Variants in WDR41 observed in about 807,000 individuals in gnomAD.
The protein encoded by WDR41 is WD repeat domain 41, also known as WD repeat-containing protein 41.
In WDR41, 63 loss-of-function variants were observed where a neutral mutation model predicts 69.3. That is an observed-to-expected ratio of 0.91 (90% CI 0.74 to 1.12). The LOEUF (loss-of-function observed/expected upper bound fraction) is 1.12. Among genes scored for constraint, WDR41 ranks in the 50% most tolerant of loss-of-function variants. The probability of loss-of-function intolerance (pLI) is 0.00; values close to 1 mark genes in which losing one functional copy is unlikely to be tolerated. For synonymous variants in WDR41, 185 were observed against 192.1 expected, an observed-to-expected ratio of 0.96 and a Z score of 0.31; for missense variants, 543 against 534.5, an observed-to-expected ratio of 1.02 and a Z score of -0.16.
chr5:77,450,513 A>C (rs1357434417), intron 7 of WDR41, among the ~76,000 whole-genome samples: 2 of 152,210 alleles, frequency 1.3e-5, no homozygotes, highest in East Asian at 1.9e-4. Context: ...AACTTTAATC[A>C]ATACAGAAAA....
intron 1 of WDR41, chr5:77,546,037 T>C (rs2112232718): frequency 1.8e-6 from 1 of 556,328 alleles, no homozygotes; most frequent in African/African-American, 2.0e-5. Context: ...TGATGATGGC[T>C]GGTATTGATG....
chr5:77,538,115 C>T (rs1743022825), intron 1 of WDR41, among the ~76,000 whole-genome samples: 1 of 152,120 alleles, frequency 6.6e-6, no homozygotes, highest in African/African-American at 2.4e-5. Context: ...CTGAATCTCT[C>T]CACTCTCTAT....
intron 1 of WDR41, among the ~76,000 whole-genome samples, chr5:77,590,567 T>C (rs1424781589): frequency 6.6e-6 from 1 of 152,122 alleles, no homozygotes; most frequent in Admixed American, 6.5e-5. Flanking sequence ...AGGTCAGAGC[T>C]GACAAAGAGG....
intron 1 of WDR41, among the ~76,000 whole-genome samples, chr5:77,573,969 C>T (rs909067842): frequency 1.3e-5 from 2 of 152,148 alleles, no homozygotes; most frequent in Non-Finnish European, 2.9e-5. Flanking sequence ...CCATCTGCCC[C>T]AGGTAAGAGA....
At chr5:77,478,577 CAT>C (rs913325630) in intron 2 of WDR41, among the ~76,000 whole-genome samples, 63 of 152,286 alleles carry the variant, frequency 4.1e-4, no homozygotes, top group Middle Eastern at 3.4e-3. Flanking sequence ...ACAAAAACCA[CAT>C]GATTATCTCA....
At chr5:77,506,331 C>T (rs1414734607) in intron 1 of WDR41, among the ~76,000 whole-genome samples, 2 of 152,166 alleles carry the variant, frequency 1.3e-5, no homozygotes, top group Non-Finnish European at 1.5e-5. Flanking sequence ...ATCAAAACCA[C>T]AATGAGATAC....
chr5:77,580,465 C>T (rs1021972845), intron 1 of WDR41, among the ~76,000 whole-genome samples: 1 of 152,040 alleles, frequency 6.6e-6, no homozygotes, highest in Non-Finnish European at 1.5e-5. Flanking sequence ...GACACGTAGG[C>T]ATTATTACAA....
chr5:77,605,196 T>C (rs759337382), intron 1 of WDR41, among the ~76,000 whole-genome samples: 2 of 152,204 alleles, frequency 1.3e-5, no homozygotes, highest in African/African-American at 2.4e-5. Context: ...GTCCTTGGGA[T>C]CCTCGTCTGA....
rs773872429 is a variant in WDR41, at chr5:77,492,245, G to A, written c.-25C>T. The A allele has an allele frequency of 1.9e-6, 3 of 1,611,460 alleles. No homozygotes were observed. The highest frequency in any genetic ancestry group is 1.1e-5 in the South Asian group (1 of 90,596). ...TCCGGGCAGCGGCGGCGTCTTGCCC[G>A]GTCCAGCCCCAGTCAGCCCAAACTC... On this transcript the variant is annotated 5_prime_UTR_variant, in exon 1 of 13. Coordinates refer to ENST00000296679, the MANE Select transcript of WDR41 (RefSeq NM_018268.4).
chr5:77,475,361 G>C lies in WDR41; in HGVS notation c.168-10552C>G, dbSNP rs535202088. Among the ~76,000 whole-genome samples the C allele has an allele frequency of 7.4e-3, 1,126 of 152,336 alleles. 14 individuals are homozygous for C. The highest frequency in any genetic ancestry group is 0.031 in the Middle Eastern group (9 of 294). ...GCCTGCCTCTGTAGGCTCCACCTCT[G>C]GGGGCAGGGCACAGACAAACAAAAA... On this transcript the variant is annotated intron_variant, in intron 2 of 12. Coordinates refer to ENST00000296679, the MANE Select transcript of WDR41 (RefSeq NM_018268.4).
chr5:77,538,923 T>G (rs1743039264), intron 1 of WDR41, among the ~76,000 whole-genome samples: 1 of 152,216 alleles, frequency 6.6e-6, no homozygotes, highest in Non-Finnish European at 1.5e-5. Flanking sequence ...TGGGCTACTA[T>G]AACAAATACC....
intron 2 of WDR41, among the ~76,000 whole-genome samples, chr5:77,477,394 C>T (rs1006692029): frequency 8.4e-6 from 1 of 119,230 alleles, no homozygotes; most frequent in Admixed American, 8.9e-5. Flanking sequence ...CCACACCACA[C>T]CTATTCCAAA....
chr5:77,615,984 C>T (rs1219261933), intron 1 of WDR41, among the ~76,000 whole-genome samples: 2 of 150,038 alleles, frequency 1.3e-5, no homozygotes, highest in African/African-American at 2.4e-5. Flanking sequence ...CAGAGTGAGA[C>T]CCTGTCTCAA....
rs142187583 is a variant in WDR41 at position 77,620,200 on chromosome 5, C to T, written c.42+279G>A. 2.9e-3 allele frequency among the ~76,000 whole-genome samples: 442 copies of T among 152,124 alleles called. 4 individuals carry two copies. Among genetic ancestry groups the T allele is most frequent in the African/African-American group, 0.01 (424 of 41,512 alleles). On this transcript the variant is annotated intron_variant, in intron 1 of 5. Coordinates refer to the WDR41 transcript ENST00000509971. ...TATAATTTCCTGAAACTGCAGAATG[C>T]CTCTGTGCAAACTCTACCCACAACA...
chr5:77,469,392 A>G (rs569417509), intron 2 of WDR41, among the ~76,000 whole-genome samples: 2 of 152,280 alleles, frequency 1.3e-5, no homozygotes, highest in South Asian at 4.1e-4. Context: ...TCTCCTGTAT[A>G]ATTCTCACAG....
At chr5:77,598,384 A>C (rs1482198586) in intron 1 of WDR41, among the ~76,000 whole-genome samples, 1 of 152,336 alleles carries the variant, frequency 6.6e-6, no homozygotes, top group Admixed American at 6.5e-5. Context: ...ATGACAGTCA[A>C]TGGAATTCTT....
chr5:77,593,466 GAT>G, intron 1 of WDR41, among the ~76,000 whole-genome samples: 1 of 152,032 alleles, frequency 6.6e-6, no homozygotes, highest in East Asian at 1.9e-4. Context: ...ACAGGAGAAT[GAT>G]TAAATGAATT....
At chr5:77,578,974 T>A (rs1334936528) in intron 1 of WDR41, among the ~76,000 whole-genome samples, 1 of 150,918 alleles carries the variant, frequency 6.6e-6, no homozygotes, top group African/African-American at 2.4e-5. Flanking sequence ...CAAACAAAAA[T>A]TCTGAAATTA....
intron 2 of WDR41, chr5:77,480,054 C>T (rs924384435): frequency 1.3e-5 from 2 of 151,528 alleles, no homozygotes; most frequent in Admixed American, 1.3e-4. Flanking sequence ...ATTTATGCAG[C>T]CAAAAAACAC....
Sources: gnomAD v4.1 joint callset for allele counts (sites outside exome capture counted in the v4.1 genomes callset) on GRCh38, gnomAD v4.1.1 for gene constraint, MANE v1.5 for transcripts, NCBI Gene and HGNC (gene_info 2026-07-23, HGNC 2026-07-21) for gene names.